The following SLC35F3 variants were observed in gnomAD, a reference collection of about 807,000 sequenced individuals.
SLC35F3 encodes putative thiamine transporter SLC35F3.
A neutral mutation model predicts 49.9 loss-of-function variants in SLC35F3; 25 were observed. The observed-to-expected ratio is 0.50, with a 90% CI of 0.37 to 0.70. The LOEUF (loss-of-function observed/expected upper bound fraction) is 0.70. Among genes scored for constraint, SLC35F3 ranks in the 30% least tolerant of loss-of-function variants. The pLI, the probability that SLC35F3 is intolerant of heterozygous loss-of-function variation, is 0.00. For synonymous variants in SLC35F3, 275 were observed against 265.4 expected, an observed-to-expected ratio of 1.04 and a Z score of -0.35; for missense variants, 525 against 639.8, an observed-to-expected ratio of 0.82 and a Z score of 1.94.
intron 3 of SLC35F3, among the ~76,000 whole-genome samples, chr1:234,253,161 A>G (rs1364606713): frequency 6.6e-6 from 1 of 152,158 alleles, no homozygotes; most frequent in African/African-American, 2.4e-5. Context: ...CCCTGTCTCT[A>G]CTAAAAATAC....
chr1:234,128,239 A>C (rs1029008879), intron 2 of SLC35F3, among the ~76,000 whole-genome samples: 3 of 139,452 alleles, frequency 2.2e-5, no homozygotes, highest in African/African-American at 7.6e-5. Context: ...TGTCTGGGGC[A>C]TGTTTTGATT....
intron 2 of SLC35F3, among the ~76,000 whole-genome samples, chr1:234,170,614 G>C (rs1422641711): frequency 1.3e-5 from 2 of 152,014 alleles, no homozygotes; most frequent in East Asian, 3.9e-4. Context: ...CCACAGGCCT[G>C]AGCTTTTCCT....
chr1:234,231,866 C>T lies in SLC35F3; in HGVS notation c.608+125C>T. On this transcript the variant is annotated intron_variant, in intron 3 of 7. Coordinates refer to ENST00000366618, the MANE Select transcript of SLC35F3 (RefSeq NM_173508.4). This position sits in a 1 kb window ranked among gnomAD's most constrained non-coding sequence, Gnocchi z 5.4. ...GGTGGGAGCCCGTGGAGAGATGTTGCAGTGAATGCACCTGCTCTCAGTGGG... is the reference window on the plus strand; with the variant it reads ...GGTGGGAGCCCGTGGAGAGATGTTGTAGTGAATGCACCTGCTCTCAGTGGG... The T allele has an allele frequency of 1.1e-6, 1 of 901,200 alleles. No individual in the cohort carries two copies. The highest frequency in any genetic ancestry group is 1.7e-6 in the Non-Finnish European group (1 of 581,230). The allele number at this position is 901,200 out of a possible 1,614,324, so 55.8% of individuals were successfully genotyped here.
chr1:234,090,304 T>A (rs1665022512), intron 2 of SLC35F3, among the ~76,000 whole-genome samples: 1 of 152,268 alleles, frequency 6.6e-6, no homozygotes, highest in African/African-American at 2.4e-5. Context: ...TATGAAAGAT[T>A]TGCACACAGC....
intron 2 of SLC35F3, among the ~76,000 whole-genome samples, chr1:234,043,198 T>C (rs1306955911): frequency 6.6e-6 from 1 of 152,172 alleles, no homozygotes; most frequent in Admixed American, 6.5e-5. Context: ...ACCTTACACT[T>C]GATGTTCATC....
chr1:234,303,976 T>G (rs2102991466), intron 3 of SLC35F3, among the ~76,000 whole-genome samples: 1 of 152,118 alleles, frequency 6.6e-6, no homozygotes, highest in African/African-American at 2.4e-5. Context: ...ATATTAGACT[T>G]TCTGGTTTAA....
At chr1:234,303,090 T>A (rs147002572) in intron 3 of SLC35F3, among the ~76,000 whole-genome samples, 12 of 152,306 alleles carry the variant, frequency 7.9e-5, no homozygotes, top group Non-Finnish European at 1.5e-4. Flanking sequence ...GATTTCTATC[T>A]CACCCTACCC....
At chr1:233,924,327 T>C (rs895227985) in intron 2 of SLC35F3, among the ~76,000 whole-genome samples, 1 of 152,346 alleles carries the variant, frequency 6.6e-6, no homozygotes, top group African/African-American at 2.4e-5. Context: ...TCAGAGCCTG[T>C]TATTGGTCTA....
intron 2 of SLC35F3, among the ~76,000 whole-genome samples, chr1:234,125,442 G>C (rs760742360): frequency 6.6e-6 from 1 of 152,110 alleles, no homozygotes; most frequent in Non-Finnish European, 1.5e-5. Flanking sequence ...GGCTGCTCTT[G>C]AGTTCACGTA....
At chr1:234,005,055 C>G (rs922653769) in intron 2 of SLC35F3, among the ~76,000 whole-genome samples, 3 of 151,982 alleles carry the variant, frequency 2.0e-5, no homozygotes, top group South Asian at 2.1e-4. Context: ...AATAGAAAAG[C>G]TGAAAATCTT....
chr1:234,322,647 A>ATGTG (rs1309324997), intron 7 of SLC35F3, among the ~76,000 whole-genome samples: 1 of 85,906 alleles, frequency 1.2e-5, no homozygotes, highest in East Asian at 5.1e-4. Context: ...CAAGGGTCAA[A>ATGTG]TGCGTGTGTG....
At chr1:234,226,571 A>G (rs932211050) in intron 2 of SLC35F3, among the ~76,000 whole-genome samples, 3 of 144,344 alleles carry the variant, frequency 2.1e-5, no homozygotes, top group Non-Finnish European at 4.5e-5. Context: ...AAAAAAAAGC[A>G]CCCAATTCAT....
intron 2 of SLC35F3, among the ~76,000 whole-genome samples, chr1:234,066,870 AC>A (rs1664629934): frequency 6.9e-6 from 1 of 144,302 alleles, no homozygotes. Flanking sequence ...ACACACACAC[AC>A]ACACAATTAT....
rs1470356279 is a variant in SLC35F3, at chr1:233,956,927, AT to A, written c.283+51170del. Among the ~76,000 whole-genome samples the A allele has an allele frequency of 2.0e-5, 3 of 152,314 alleles. No individual in the cohort carries two copies. The East Asian group carries it at 5.8e-4, about 29-fold the overall frequency. On this transcript the variant is annotated intron_variant, in intron 2 of 7. Transcript: ENST00000366618. ...CTAGTGGTGGAATGCCAGAAAAAGGATAGGGGTAGAGGCCAAATGGCAAGCC... is the reference window on the plus strand; with the variant it reads ...CTAGTGGTGGAATGCCAGAAAAAGGAAGGGGTAGAGGCCAAATGGCAAGCC...
intron 2 of SLC35F3, among the ~76,000 whole-genome samples, chr1:234,063,538 GA>G (rs1470438527): frequency 3.9e-5 from 6 of 152,164 alleles, no homozygotes; most frequent in African/African-American, 1.4e-4. Context: ...CTTGTTTATG[GA>G]GGCCTGGGGA....
At chr1:233,938,635 TGGATGGATGGATGGAAGGATGGAG>T (rs1470017368) in intron 2 of SLC35F3, among the ~76,000 whole-genome samples, 1 of 151,042 alleles carries the variant, frequency 6.6e-6, no homozygotes, top group Non-Finnish European at 1.5e-5. Context: ...GATAGATGGA[TGGATGGATGGATGGAAGGATGGAG>T]GGATGGATTG....
chr1:233,960,021 G>A (rs540016732), intron 2 of SLC35F3, among the ~76,000 whole-genome samples: 5 of 152,188 alleles, frequency 3.3e-5, no homozygotes, highest in Non-Finnish European at 7.3e-5. Flanking sequence ...TTCAGCACAT[G>A]TGCCTTTCTA....
Position 233,996,813 on chromosome 1 carries a change from A to C in SLC35F3, c.283+91055A>C, listed in dbSNP as rs571572007. Among the ~76,000 whole-genome samples, 99 of 152,296 alleles carry C rather than the reference A, an allele frequency of 6.5e-4. No homozygotes were observed. The South Asian group carries it at 0.018, about 27-fold the overall frequency. On this transcript the variant is annotated intron_variant, in intron 2 of 7. Coordinates refer to ENST00000366618, the MANE Select transcript of SLC35F3 (RefSeq NM_173508.4). ...AGCAGGCAATCTCATCCCATTTTAA[A>C]AAGTGAGAAAACTGAAGTTCGACTT...
At chr1:233,938,506 A>G (rs1010534965) in intron 2 of SLC35F3, among the ~76,000 whole-genome samples, 1 of 152,218 alleles carries the variant, frequency 6.6e-6, no homozygotes, top group African/African-American at 2.4e-5. Context: ...TTGGGATTCT[A>G]ATATCAAAGG....
Sources: allele counts gnomAD v4.1 joint callset (sites outside exome capture counted in the v4.1 genomes callset), GRCh38; gene constraint gnomAD v4.1.1; non-coding constraint Gnocchi (gnomAD v3.1); transcripts MANE v1.5; gene names NCBI Gene and HGNC (gene_info 2026-07-23, HGNC 2026-07-21).